Variants in SNX29 observed in about 807,000 individuals in gnomAD.
SNX29 encodes sorting nexin 29, also known as sorting nexin-29.
In SNX29, 78 loss-of-function variants were observed where a neutral mutation model predicts 102.1. The observed-to-expected ratio is 0.76, with a 90% CI of 0.64 to 0.92. The LOEUF is 0.92. Ranked by LOEUF, SNX29 falls within the 40% of genes least tolerant of loss-of-function variation. The probability of loss-of-function intolerance (pLI) is 0.00; values close to 1 mark genes in which losing one functional copy is unlikely to be tolerated. For synonymous variants in SNX29, 580 were observed against 414.5 expected (o/e 1.40, Z -4.85); for missense variants, 1,280 against 1,061.7 (o/e 1.21, Z -2.86).
intron 9 of SNX29, among the ~76,000 whole-genome samples, chr16:12,067,163 T>G (rs867256142): frequency 4.6e-5 from 7 of 151,966 alleles, no homozygotes; most frequent in Non-Finnish European, 1.5e-5. Context: ...CCAGCCTGGG[T>G]GACAGGAAAA....
chr16:12,193,087 A>AGT (rs1282581730), intron 13 of SNX29, among the ~76,000 whole-genome samples: 1 of 152,224 alleles, frequency 6.6e-6, no homozygotes, highest in Non-Finnish European at 1.5e-5. Flanking sequence ...CTCCTGCCTC[A>AGT]GCCTTCCTAA....
intron 18 of SNX29, among the ~76,000 whole-genome samples, chr16:12,410,925 T>C (rs1406159770): frequency 6.6e-6 from 1 of 152,238 alleles, no homozygotes. Flanking sequence ...TCATCCTCTC[T>C]TAAGATAGCT....
intron 14 of SNX29, among the ~76,000 whole-genome samples, chr16:12,274,108 A>G (rs1185053995): frequency 1.3e-5 from 2 of 151,940 alleles, no homozygotes; most frequent in Non-Finnish European, 2.9e-5. Context: ...TCCCTTCTTT[A>G]TGTGCGGGGT....
chr16:11,993,652 G>C (rs913239547), intron 1 of SNX29, among the ~76,000 whole-genome samples: 1 of 152,172 alleles, frequency 6.6e-6, no homozygotes, highest in Admixed American at 6.6e-5. Context: ...CACATGGCTG[G>C]TGGAGTAGGA....
chr16:12,182,493 C>T (rs2076410090), intron 13 of SNX29, among the ~76,000 whole-genome samples: 1 of 152,106 alleles, frequency 6.6e-6, no homozygotes, highest in African/African-American at 2.4e-5. Flanking sequence ...GCTTCCCAGC[C>T]ACTGTGCTGC....
At chr16:12,536,957 C>G (rs559182362) in intron 20 of SNX29, among the ~76,000 whole-genome samples, 1 of 152,100 alleles carries the variant, frequency 6.6e-6, no homozygotes, top group Middle Eastern at 3.4e-3. Context: ...GCCTAGGCGA[C>G]AGAGTGAGAG....
chr16:12,059,354 G>A (rs1446515699), intron 8 of SNX29, among the ~76,000 whole-genome samples: 1 of 152,208 alleles, frequency 6.6e-6, no homozygotes, highest in Non-Finnish European at 1.5e-5. Context: ...CCTCAGGAGG[G>A]CGCCTCTTGA....
chr16:11,998,089 G>C (rs961431806), intron 1 of SNX29, among the ~76,000 whole-genome samples: 1 of 152,186 alleles, frequency 6.6e-6, no homozygotes, highest in Non-Finnish European at 1.5e-5. Flanking sequence ...GCTTGACCTG[G>C]AGGAATCACT....
At chr16:12,178,035 C>G (rs1251614659) in intron 13 of SNX29, among the ~76,000 whole-genome samples, 1 of 152,160 alleles carries the variant, frequency 6.6e-6, no homozygotes, top group Non-Finnish European at 1.5e-5. Context: ...CCTCGTTGTC[C>G]TCACTGTTTC....
Position 12,042,940 on chromosome 16 carries a change from C to A in SNX29, c.291C>A (p.His97Gln). 1 of 1,613,600 alleles carries A rather than the reference C, an allele frequency of 6.2e-7. No homozygotes were observed. ...ACGTGAAGGAGGTCCTCAACAAGCA[C>A]GAGCTGCAGCGCTTCTACTCCCTGC... ...WYYVKEVLNK[H>Q]ELQRFYSLRH... The change falls in exon 5 of 21, where the codon CAC (histidine) becomes CAA (glutamine). Residue 97 changes from histidine (H) to glutamine (Q), a missense_variant. By Grantham distance (24) the His-to-Gln change is conservative. Transcript: ENST00000566228.
intron 9 of SNX29, among the ~76,000 whole-genome samples, chr16:12,066,359 C>A (rs111265468): frequency 6.6e-6 from 1 of 152,084 alleles, no homozygotes; most frequent in Non-Finnish European, 1.5e-5. Context: ...GTCTTGGATC[C>A]CCCTGGCTCT....
intron 3 of SNX29, among the ~76,000 whole-genome samples, chr16:12,026,161 C>T (rs945433769): frequency 1.3e-5 from 2 of 152,212 alleles, no homozygotes; most frequent in East Asian, 1.9e-4. Flanking sequence ...TGCACTGGGC[C>T]TGTCTTTCCA....
chr16:12,429,642 C>G, intron 18 of SNX29, among the ~76,000 whole-genome samples: 1 of 152,362 alleles, frequency 6.6e-6, no homozygotes, highest in Middle Eastern at 3.4e-3. Context: ...CCATCTCTTG[C>G]GGTGCACAGT....
At chr16:12,150,202 G>A (rs2055238227) in intron 13 of SNX29, among the ~76,000 whole-genome samples, 4 of 152,124 alleles carry the variant, frequency 2.6e-5, no homozygotes, top group Non-Finnish European at 5.9e-5. Flanking sequence ...GTGGAGAAGT[G>A]GATAGGAGGA....
intron 20 of SNX29, among the ~76,000 whole-genome samples, chr16:12,567,009 A>G (rs2079039204): frequency 6.6e-6 from 1 of 152,254 alleles, no homozygotes; most frequent in African/African-American, 2.4e-5. Flanking sequence ...AACGCAAAGT[A>G]GATCATTGTG....
chr16:12,267,214 G>GT (rs2078955009), intron 14 of SNX29, among the ~76,000 whole-genome samples: 1 of 150,192 alleles, frequency 6.7e-6, no homozygotes, highest in African/African-American at 2.5e-5. Context: ...TAAATTATGA[G>GT]TAGACAACCA....
intron 18 of SNX29, 53 bp downstream of exon 18, chr16:12,403,582 T>C: frequency 6.6e-7 from 1 of 1,520,240 alleles, no homozygotes; most frequent in South Asian, 1.2e-5. Context: ...AAACGCCCAT[T>C]TGTCATGCTG....
At chr16:12,214,269 T>C (rs1372576472) in intron 14 of SNX29, among the ~76,000 whole-genome samples, 2 of 152,234 alleles carry the variant, frequency 1.3e-5, no homozygotes, top group South Asian at 2.1e-4. Flanking sequence ...ACAGGAACAA[T>C]TGGAGTGCCT....
rs1221671388 is a variant in SNX29 at position 12,098,210 on chromosome 16, C to T, written c.1402+19295C>T. Among the ~76,000 whole-genome samples, 1 of 152,166 alleles carries T rather than the reference C, an allele frequency of 6.6e-6. No individual in the cohort carries two copies. Among genetic ancestry groups the T allele is most frequent in the Admixed American group, 6.5e-5 (1 of 15,276 alleles). On this transcript the variant is annotated intron_variant, in intron 11 of 20. Transcript: ENST00000566228. The surrounding 1 kb of genome is among the most constrained non-coding windows in gnomAD (Gnocchi z 6.0). ...AACTCCTTTTCCTCCTCCTCTTCTCCCTCCTGCCCTAGACCTTAAATATTA... is the reference window on the plus strand; with the variant it reads ...AACTCCTTTTCCTCCTCCTCTTCTCTCTCCTGCCCTAGACCTTAAATATTA...
Sources: gnomAD v4.1 joint callset for allele counts (sites outside exome capture counted in the v4.1 genomes callset) on GRCh38, gnomAD v4.1.1 for gene constraint, Gnocchi (gnomAD v3.1) non-coding constraint, MANE v1.5 for transcripts, NCBI Gene and HGNC (gene_info 2026-07-23, HGNC 2026-07-21) for gene names.